The following BRF1 variants were observed in gnomAD, a reference collection of about 807,000 sequenced individuals.
The protein encoded by BRF1 is BRF1 general transcription factor IIIB subunit.
BRF1 carries 59 observed loss-of-function variants against 81.7 expected under a neutral mutation model. The ratio of observed to expected loss-of-function variants is 0.72; its 90% confidence interval spans 0.59 to 0.90. The LOEUF is 0.90. Among genes scored for constraint, BRF1 ranks in the 40% least tolerant of loss-of-function variants. The pLI, the probability that BRF1 is intolerant of heterozygous loss-of-function variation, is 0.00. For missense variants in BRF1, 1,050 were observed against 936.3 expected (o/e 1.12, Z -1.58); for synonymous variants, 491 against 395.6 (o/e 1.24, Z -2.86).
intron 11 of BRF1, among the ~76,000 whole-genome samples, chr14:105,220,988 C>A (rs1271637535): frequency 6.6e-6 from 1 of 152,248 alleles, no homozygotes; most frequent in African/African-American, 2.4e-5. Flanking sequence ...CAGCCCCAAC[C>A]ATCAGGATTG....
rs1007102292 is a variant in BRF1, at chr14:105,280,155, T to C, written c.265+6141A>G. On this transcript the variant is annotated intron_variant, in intron 2 of 17. Coordinates refer to ENST00000547530, the MANE Select transcript of BRF1 (RefSeq NM_001519.4). ...GCCCAGATTCCCTTCAGCAAGCAGG[T>C]GAAAGGATAAATCAACTGTGGCGCA... Among the ~76,000 whole-genome samples, 3 of 152,084 alleles carry C rather than the reference T, an allele frequency of 2.0e-5. No homozygotes were observed. The South Asian group carries it at 6.2e-4, about 32-fold the overall frequency.
At chr14:105,283,245 A>G (rs10140586) in intron 2 of BRF1, among the ~76,000 whole-genome samples, 45,318 of 152,064 alleles carry the variant, frequency 0.3, 7,010 homozygotes, top group African/African-American at 0.34. Flanking sequence ...GGGCTGGACC[A>G]ATGGCCTCCC....
intron 2 of BRF1, among the ~76,000 whole-genome samples, chr14:105,280,218 G>T (rs1227885603): frequency 2.0e-5 from 3 of 152,232 alleles, no homozygotes; most frequent in Non-Finnish European, 4.4e-5. Context: ...TAAAGAGAAA[G>T]AGGCCACAGG....
At chr14:105,281,765 CT>C (rs2057115299) in intron 2 of BRF1, among the ~76,000 whole-genome samples, 1 of 149,852 alleles carries the variant, frequency 6.7e-6, no homozygotes, top group Admixed American at 6.6e-5. Context: ...TTTTAAATTC[CT>C]TTCTATATGA....
chr14:105,259,745 C>T (rs950368046), intron 3 of BRF1, among the ~76,000 whole-genome samples: 12 of 152,170 alleles, frequency 7.9e-5, no homozygotes, highest in Admixed American at 2.0e-4. Flanking sequence ...CCTGTCTCTA[C>T]TAAAAATACA....
intron 1 of BRF1, among the ~76,000 whole-genome samples, chr14:105,286,766 C>T (rs587765673): frequency 9.8e-5 from 15 of 152,328 alleles, no homozygotes; most frequent in Admixed American, 2.0e-4. Flanking sequence ...CCACCACGCC[C>T]GGCTGGGATT....
intron 1 of BRF1, among the ~76,000 whole-genome samples, chr14:105,292,617 T>G (rs1356840206): frequency 6.6e-6 from 1 of 152,188 alleles, no homozygotes; most frequent in Non-Finnish European, 1.5e-5. Context: ...CAAAGGAGGC[T>G]GGACCAGACC....
intron 1 of BRF1, among the ~76,000 whole-genome samples, chr14:105,306,728 C>T (rs1595518605): frequency 1.3e-5 from 2 of 152,202 alleles, no homozygotes; most frequent in South Asian, 4.1e-4. Context: ...GCCTCAGCCT[C>T]CCAAGTAGCT....
intron 1 of BRF1, among the ~76,000 whole-genome samples, chr14:105,292,553 C>T (rs1404349876): frequency 2.6e-5 from 4 of 152,160 alleles, no homozygotes; most frequent in African/African-American, 9.7e-5. Context: ...GGAGGCCTGG[C>T]TGGCTGGGCA....
chr14:105,249,436 AC>A (rs1253677668), intron 5 of BRF1: 13 of 1,613,252 alleles, frequency 8.1e-6, no homozygotes, highest in Non-Finnish European at 1.0e-5. Flanking sequence ...TCTGAAATTC[AC>A]ATTCCAGACG....
chr14:105,274,333 A>AC (rs2056787847), intron 2 of BRF1, among the ~76,000 whole-genome samples: 1 of 152,156 alleles, frequency 6.6e-6, no homozygotes, highest in African/African-American at 2.4e-5. Context: ...GTGCCGGTGC[A>AC]GGTCCTTGGT....
chr14:105,221,594 C>T (rs1197896211), intron 11 of BRF1, 54 bp downstream of exon 11: 3 of 1,575,086 alleles, frequency 1.9e-6, no homozygotes, highest in Non-Finnish European at 2.6e-6. Flanking sequence ...GAGGCACACG[C>T]CTGAAAGATC....
intron 3 of BRF1, among the ~76,000 whole-genome samples, chr14:105,259,254 G>A (rs2056038632): frequency 6.6e-6 from 1 of 152,056 alleles, no homozygotes; most frequent in Non-Finnish European, 1.5e-5. Context: ...GACCGGCCTG[G>A]GCAACACAGT....
upstream of BRF1, among the ~76,000 whole-genome samples, chr14:105,304,182 C>T (rs894549012): frequency 3.2e-4 from 49 of 152,120 alleles, no homozygotes; most frequent in African/African-American, 8.2e-4. Flanking sequence ...ACACCCACAA[C>T]GGTAAGAGGT....
chr14:105,214,739 C>T (rs1484996983), intron 15 of BRF1, among the ~76,000 whole-genome samples: 1 of 152,210 alleles, frequency 6.6e-6, no homozygotes, highest in East Asian at 1.9e-4. Flanking sequence ...CCCAAGGCAG[C>T]ACAGCTGCTG....
At chr14:105,221,537 C>T in intron 11 of BRF1, 111 bp downstream of exon 11, 1 of 1,448,404 alleles carries the variant, frequency 6.9e-7, no homozygotes, top group Non-Finnish European at 9.1e-7. Flanking sequence ...CGCCCGAGAC[C>T]ACCACACCTC....
In BRF1 at chr14:105,225,847, C is replaced by T. The variant is rs190587042; in HGVS notation, c.1048+222G>A. On this transcript the variant is annotated intron_variant, in intron 10 of 17. Coordinates refer to ENST00000547530, the MANE Select transcript of BRF1 (RefSeq NM_001519.4). ...ATTTGTAGTAGAGACAGGGTTTCAC[C>T]ATGTTGGCCAGGATGGTCTCCATCT... is the stretch of plus-strand genomic sequence containing the variant. Among the ~76,000 whole-genome samples, 355 of 152,280 alleles carry T rather than the reference C, an allele frequency of 2.3e-3. 1 individual carries two copies. Among genetic ancestry groups the T allele is most frequent in the Non-Finnish European group, 1.5e-3 (102 of 68,034 alleles).
intron 5 of BRF1, chr14:105,248,578 CGGGCG>C: frequency 1.1e-5 from 1 of 88,168 alleles, no homozygotes. Flanking sequence ...CTCGGGCGGG[CGGGCG>C]GGCGGGACGG....
Position 105,309,619 on chromosome 14 carries a change from C to G in BRF1, c.-162+5703G>C, listed in dbSNP as rs1305085084. Among the ~76,000 whole-genome samples the G allele has an allele frequency of 6.6e-6, 1 of 152,222 alleles. No homozygotes were observed. The highest frequency in any genetic ancestry group is 1.5e-5 in the Non-Finnish European group (1 of 68,030). ...GCTGCCAAGCCACTCTGCAGAGCTG[C>G]TCTGGGTCCTGCCCCAGGTGCTGTG... On this transcript the variant is annotated intron_variant, in intron 1 of 17. Transcript: ENST00000327359. The surrounding 1 kb of genome is among the most constrained non-coding windows in gnomAD (Gnocchi z 4.0).
Sources: allele counts gnomAD v4.1 joint callset (sites outside exome capture counted in the v4.1 genomes callset), GRCh38; gene constraint gnomAD v4.1.1; non-coding constraint Gnocchi (gnomAD v3.1); transcripts MANE v1.5; gene names NCBI Gene and HGNC (gene_info 2026-07-23, HGNC 2026-07-21).